Variants in NREP observed in about 807,000 individuals in gnomAD.
NREP encodes neuronal regeneration related protein.
NREP carries 5 observed loss-of-function variants against 8.6 expected under a neutral mutation model. The observed-to-expected ratio is 0.58, with a 90% CI of 0.30 to 1.22. NREP has a LOEUF of 1.22. Among genes scored for constraint, NREP ranks in the 50% most tolerant of loss-of-function variants. The pLI is 0.07. For synonymous variants in NREP, 27 were observed against 28.0 expected (o/e 0.96, Z 0.11); for missense variants, 86 against 82.5 (o/e 1.04, Z -0.17).
At chr5:111,742,763 T>C (rs1749762506) in intron 2 of NREP, among the ~76,000 whole-genome samples, 1 of 152,090 alleles carries the variant, frequency 6.6e-6, no homozygotes, top group African/African-American at 2.4e-5. Flanking sequence ...CTGCAAACAT[T>C]TACGTTGTGC....
intron 2 of NREP, among the ~76,000 whole-genome samples, chr5:111,850,100 A>G (rs1342414818): frequency 2.0e-5 from 3 of 152,174 alleles, no homozygotes; most frequent in Non-Finnish European, 4.4e-5. Flanking sequence ...CACTTTCTCC[A>G]TAAACTATAC....
chr5:111,737,887 G>A (rs1749287226), intron 2 of NREP, among the ~76,000 whole-genome samples: 1 of 151,800 alleles, frequency 6.6e-6, no homozygotes, highest in Non-Finnish European at 1.5e-5. Context: ...GGCATTTTTA[G>A]CACATTAGGC....
chr5:111,853,314 G>A (rs1753353030), intron 2 of NREP, among the ~76,000 whole-genome samples: 1 of 151,920 alleles, frequency 6.6e-6, no homozygotes, highest in Admixed American at 6.6e-5. Context: ...CTGCAGTGGT[G>A]GACACATTGT....
intron 2 of NREP, among the ~76,000 whole-genome samples, chr5:111,873,707 G>C (rs952497532): frequency 6.6e-6 from 1 of 152,104 alleles, no homozygotes; most frequent in African/African-American, 2.4e-5. Context: ...AATAATCCAG[G>C]ATAATCCCCC....
chr5:111,823,618 G>A (rs574021823), intron 2 of NREP, among the ~76,000 whole-genome samples: 1 of 152,216 alleles, frequency 6.6e-6, no homozygotes, highest in Admixed American at 6.5e-5. Flanking sequence ...ATATTAACTA[G>A]GATTGTCTAT....
At chr5:111,748,031 A>G (rs1750118033) in intron 2 of NREP, among the ~76,000 whole-genome samples, 1 of 152,166 alleles carries the variant, frequency 6.6e-6, no homozygotes. Context: ...CTGGAAAAGC[A>G]CCATTAATAC....
At chr5:111,808,145 T>C (rs1248372081) in intron 2 of NREP, among the ~76,000 whole-genome samples, 1 of 152,220 alleles carries the variant, frequency 6.6e-6, no homozygotes, top group African/African-American at 2.4e-5. Context: ...AACTTGTACT[T>C]ATCTATAAGA....
chr5:111,890,817 C>T (rs975634733), intron 2 of NREP, among the ~76,000 whole-genome samples: 1 of 152,196 alleles, frequency 6.6e-6, no homozygotes, highest in South Asian at 2.1e-4. Flanking sequence ...ACCCACGAAA[C>T]CATTCTTCCC....
chr5:111,805,023 C>CAAAAA (rs1233422121), intron 2 of NREP, among the ~76,000 whole-genome samples: 1 of 118,372 alleles, frequency 8.4e-6, no homozygotes, highest in African/African-American at 3.4e-5. Context: ...AACAACAAAA[C>CAAAAA]GAAAAGAAAC....
chr5:111,885,250 T>C (rs1440779963), intron 2 of NREP, among the ~76,000 whole-genome samples: 3 of 151,326 alleles, frequency 2.0e-5, no homozygotes, highest in Admixed American at 6.6e-5. Flanking sequence ...ATAAAATACC[T>C]AGGAATCCAA....
At chr5:111,876,150 G>C (rs1368938788) in intron 2 of NREP, among the ~76,000 whole-genome samples, 1 of 152,150 alleles carries the variant, frequency 6.6e-6, no homozygotes, top group Non-Finnish European at 1.5e-5. Flanking sequence ...TGGCCCCCAG[G>C]TAGCCCTTTT....
At chr5:111,756,159 C>G (rs1455072668) in intron 1 of NREP, 1 of 1,056,072 alleles carries the variant, frequency 9.5e-7, no homozygotes, top group Non-Finnish European at 1.1e-6. Flanking sequence ...TCTGGCTGCT[C>G]TTTGTTCCCA....
chr5:111,771,462 CACAT>C (rs1367369548), intron 2 of NREP, among the ~76,000 whole-genome samples: 2 of 144,882 alleles, frequency 1.4e-5, no homozygotes, highest in East Asian at 2.1e-4. Flanking sequence ...CACACACACA[CACAT>C]ATGCACACTT....
intron 2 of NREP, among the ~76,000 whole-genome samples, chr5:111,852,317 A>G (rs1561694235): frequency 6.6e-6 from 1 of 152,060 alleles, no homozygotes; most frequent in Non-Finnish European, 1.5e-5. Context: ...CAGAGCCTCT[A>G]AGAGGGCCTC....
intron 2 of NREP, among the ~76,000 whole-genome samples, chr5:111,816,190 A>G (rs1752381887): frequency 6.6e-6 from 1 of 152,212 alleles, no homozygotes; most frequent in African/African-American, 2.4e-5. Context: ...AATAAGAGAT[A>G]GAGACTTTTC....
At chr5:111,768,964 T>A (rs1751151247) in intron 2 of NREP, among the ~76,000 whole-genome samples, 1 of 152,256 alleles carries the variant, frequency 6.6e-6, no homozygotes, top group Non-Finnish European at 1.5e-5. Context: ...GCTGCACTAA[T>A]TTATTTTCCC....
intron 2 of NREP, among the ~76,000 whole-genome samples, chr5:111,737,715 T>TAAA (rs554103997): frequency 0.029 from 3,512 of 119,580 alleles, 142 homozygotes; most frequent in African/African-American, 0.089. Context: ...CTCCATTTGC[T>TAAA]AAAAAAAAAA....
At position 111,730,873 on chromosome 5, in the gene NREP, C is replaced by T. The variant is rs758389983; in HGVS notation, c.*48G>A. 6.3e-7 allele frequency: 1 copy of T among 1,597,814 alleles called. No individual in the cohort carries two copies. The highest frequency in any genetic ancestry group is 8.6e-7 in the Non-Finnish European group (1 of 1,167,982). On this transcript the variant is annotated 3_prime_UTR_variant, in exon 4 of 4. Transcript: ENST00000257435. ...AAAATCCCATATATGATACCATGAC[C>T]TCATCAATACCCATACACCATATGT...
At chr5:111,817,941 A>G (rs1297197701) in intron 2 of NREP, among the ~76,000 whole-genome samples, 1 of 152,160 alleles carries the variant, frequency 6.6e-6, no homozygotes, top group African/African-American at 2.4e-5. Context: ...CATAAACATA[A>G]TATTTTCTCA....
Sources: gnomAD v4.1 joint callset for allele counts (sites outside exome capture counted in the v4.1 genomes callset) on GRCh38, gnomAD v4.1.1 for gene constraint, MANE v1.5 for transcripts, NCBI Gene and HGNC (gene_info 2026-07-23, HGNC 2026-07-21) for gene names.